PTPRN2: variants seen among roughly 807,000 people sequenced by gnomAD.
PTPRN2 encodes receptor-type tyrosine-protein phosphatase N2.
PTPRN2 carries 74 observed loss-of-function variants against 118.8 expected under a neutral mutation model. The ratio of observed to expected loss-of-function variants is 0.62; its 90% CI spans 0.52 to 0.76. PTPRN2 has a LOEUF of 0.76. PTPRN2 is among the 30% of genes least tolerant of loss of function. PTPRN2 has a pLI of 0.00. For missense variants in PTPRN2, 1,481 were observed against 1,394.4 expected (o/e 1.06, Z -0.99); for synonymous variants, 641 against 608.0 (o/e 1.05, Z -0.80).
intron 7 of PTPRN2, among the ~76,000 whole-genome samples, chr7:158,136,965 A>C (rs1818880374): frequency 6.6e-6 from 1 of 150,396 alleles, no homozygotes; most frequent in Non-Finnish European, 1.5e-5. Flanking sequence ...GTCTCACGTG[A>C]TCGACAAAGT....
intron 1 of PTPRN2, among the ~76,000 whole-genome samples, chr7:158,504,960 C>A (rs1822638488): frequency 1.3e-5 from 2 of 152,154 alleles, no homozygotes; most frequent in Admixed American, 1.3e-4. Flanking sequence ...AAATATCTTG[C>A]CAAATTGCCC....
At chr7:157,937,671 G>A (rs987415394) in intron 11 of PTPRN2, among the ~76,000 whole-genome samples, 8 of 152,248 alleles carry the variant, frequency 5.3e-5, no homozygotes, top group Admixed American at 2.0e-4. Context: ...TGCTGAGAGC[G>A]GGTGCGGCCT....
chr7:158,495,639 G>A (rs1307482006), intron 1 of PTPRN2, among the ~76,000 whole-genome samples: 7 of 152,110 alleles, frequency 4.6e-5, no homozygotes, highest in Non-Finnish European at 7.4e-5. Flanking sequence ...TGTTTCCATC[G>A]GATCGAAAAC....
At chr7:158,190,589 C>T (rs73173692) in intron 5 of PTPRN2, among the ~76,000 whole-genome samples, 2 of 152,180 alleles carry the variant, frequency 1.3e-5, no homozygotes, top group Non-Finnish European at 1.5e-5. Flanking sequence ...CTGGGGCCCA[C>T]AGAGCCCTGT....
rs1826958894 is a variant in PTPRN2, at chr7:158,555,992, C to T, written c.112+31566G>A. Reference sequence around the variant, plus strand: ...AAAATCAAAACAGCCTTGGAATGTCCTTCTTTACTAGATCAACAGATGGTT... The same window carrying T: ...AAAATCAAAACAGCCTTGGAATGTCTTTCTTTACTAGATCAACAGATGGTT... On this transcript the variant is annotated intron_variant, in intron 1 of 22. Transcript: ENST00000389418. The surrounding 1 kb of genome is among the most constrained non-coding windows in gnomAD (Gnocchi z 4.7). Among the ~76,000 whole-genome samples, 1 of 152,144 alleles carries T rather than the reference C, an allele frequency of 6.6e-6. No individual in the cohort carries two copies.
intron 11 of PTPRN2, among the ~76,000 whole-genome samples, chr7:158,013,241 G>A (rs537918439): frequency 6.6e-6 from 1 of 152,296 alleles, no homozygotes; most frequent in East Asian, 1.9e-4. Flanking sequence ...ATGGCCCTGT[G>A]CCTTCTTTTC....
intron 12 of PTPRN2, among the ~76,000 whole-genome samples, chr7:157,873,106 G>A (rs967007284): frequency 8.5e-5 from 13 of 152,230 alleles, no homozygotes; most frequent in Non-Finnish European, 1.6e-4. Flanking sequence ...CTAGGCTCTC[G>A]CTTCCATTTT....
chr7:157,549,945 G>A (rs778425498), intron 21 of PTPRN2, among the ~76,000 whole-genome samples: 1 of 152,204 alleles, frequency 6.6e-6, no homozygotes, highest in African/African-American at 2.4e-5. Flanking sequence ...CACCCGAGTC[G>A]CAGATGAGGA....
At chr7:158,200,605 T>C (rs1203073068) in intron 4 of PTPRN2, among the ~76,000 whole-genome samples, 2 of 152,236 alleles carry the variant, frequency 1.3e-5, no homozygotes, top group Non-Finnish European at 2.9e-5. Context: ...CAAATAGTTA[T>C]ACAAATATAT....
At chr7:157,947,212 G>A (rs4019385) in intron 11 of PTPRN2, among the ~76,000 whole-genome samples, 79,069 of 151,622 alleles carry the variant, frequency 0.52, 21,454 homozygotes, top group African/African-American at 0.66. Flanking sequence ...AGGTCGAGTA[G>A]TGACATGGAA....
At chr7:157,820,562 ACACT>A (rs1472464102) in intron 12 of PTPRN2, among the ~76,000 whole-genome samples, 4 of 150,676 alleles carry the variant, frequency 2.7e-5, no homozygotes, top group African/African-American at 7.3e-5. Flanking sequence ...ACACGCACAC[ACACT>A]CATACATGCA....
chr7:158,036,691 G>C (rs2128886280), intron 11 of PTPRN2, among the ~76,000 whole-genome samples: 1 of 152,238 alleles, frequency 6.6e-6, no homozygotes, highest in Non-Finnish European at 1.5e-5. Flanking sequence ...AGAGATTCAA[G>C]AATAAGATTT....
chr7:157,770,943 C>T (rs1192278529), intron 12 of PTPRN2, among the ~76,000 whole-genome samples: 2 of 151,696 alleles, frequency 1.3e-5, no homozygotes, highest in Admixed American at 6.6e-5. Flanking sequence ...CACCTGAGTG[C>T]GGGGGCTGTG....
At chr7:157,916,412 G>C (rs890877705) in intron 11 of PTPRN2, among the ~76,000 whole-genome samples, 8 of 152,232 alleles carry the variant, frequency 5.3e-5, no homozygotes, top group African/African-American at 1.9e-4. Flanking sequence ...CAGGTCTCTC[G>C]AGCTTGAGGT....
At chr7:157,842,507 C>G (rs899601483) in intron 12 of PTPRN2, among the ~76,000 whole-genome samples, 1 of 151,022 alleles carries the variant, frequency 6.6e-6, no homozygotes, top group Non-Finnish European at 1.5e-5. Context: ...CTCCACCTCC[C>G]GTATTCAAGT....
At chr7:157,650,298 A>C (rs1049814582) in intron 14 of PTPRN2, among the ~76,000 whole-genome samples, 2 of 151,602 alleles carry the variant, frequency 1.3e-5, no homozygotes, top group Admixed American at 6.6e-5. Context: ...GCACACCCCC[A>C]CCCGCCGTGC....
rs545952471 is a variant in PTPRN2, at chr7:158,218,664, C to T, written c.278-13391G>A. Among the ~76,000 whole-genome samples, 49 of 152,278 alleles carry T rather than the reference C, an allele frequency of 3.2e-4. 1 individual carries two copies. The highest frequency in any genetic ancestry group is 5.7e-4 in the Non-Finnish European group (39 of 68,012). On this transcript the variant is annotated intron_variant, in intron 3 of 22. Coordinates refer to ENST00000389418, the MANE Select transcript of PTPRN2 (RefSeq NM_002847.5). ...ACAAGTTGGATAAAGAGGCAAGACCCAACTGTCTGCTGTCTTCAAGAACCC... is the reference window on the plus strand; with the variant it reads ...ACAAGTTGGATAAAGAGGCAAGACCTAACTGTCTGCTGTCTTCAAGAACCC...
rs76496388 is a variant in PTPRN2 at position 158,013,532 on chromosome 7, C to T, written c.1723+67766G>A. On this transcript the variant is annotated intron_variant, in intron 11 of 22. Coordinates refer to ENST00000389418, the MANE Select transcript of PTPRN2 (RefSeq NM_002847.5). ...TCTGTTCATCCATCCATCCCTCTAT[C>T]TATTGACCTACCATCTATCCAAACA... Among the ~76,000 whole-genome samples, 913 of 152,098 alleles carry T rather than the reference C, an allele frequency of 6.0e-3. 8 individuals are homozygous for T. Among genetic ancestry groups the T allele is most frequent in the African/African-American group, 0.021 (858 of 41,480 alleles).
chr7:157,951,298 A>ATTATTTGG (rs1483101320), intron 11 of PTPRN2, among the ~76,000 whole-genome samples: 1 of 152,204 alleles, frequency 6.6e-6, no homozygotes, highest in Non-Finnish European at 1.5e-5. Flanking sequence ...CCTTGCAAAG[A>ATTATTTGG]TTATTTGGTT....
Sources: allele counts gnomAD v4.1 joint callset (sites outside exome capture counted in the v4.1 genomes callset), GRCh38; gene constraint gnomAD v4.1.1; non-coding constraint Gnocchi (gnomAD v3.1); transcripts MANE v1.5; gene names NCBI Gene and HGNC (gene_info 2026-07-23, HGNC 2026-07-21).